Variants in MAD1L1 observed in about 807,000 individuals in gnomAD.
MAD1L1 encodes the protein mitotic spindle assembly checkpoint protein MAD1.
A neutral mutation model predicts 96.9 loss-of-function variants in MAD1L1; 95 were observed. The ratio of observed to expected loss-of-function variants is 0.98; its 90% CI spans 0.83 to 1.16. The LOEUF (loss-of-function observed/expected upper bound fraction) is 1.16, where lower values mean the gene tolerates loss of function less well. MAD1L1 is among the 50% of genes most tolerant of loss of function. The probability of loss-of-function intolerance (pLI) is 0.00; values close to 1 mark genes in which losing one functional copy is unlikely to be tolerated. For missense variants in MAD1L1, 1,007 were observed against 954.4 expected, an observed-to-expected ratio of 1.06 and a Z score of -0.73; for synonymous variants, 473 against 396.6, an observed-to-expected ratio of 1.19 and a Z score of -2.29.
At chr7:1,887,894 C>A (rs1187561348) in intron 18 of MAD1L1, among the ~76,000 whole-genome samples, 2 of 150,886 alleles carry the variant, frequency 1.3e-5, no homozygotes, top group Non-Finnish European at 3.0e-5. Flanking sequence ...TGTGTGGCTG[C>A]CTGTGCATGT....
chr7:1,922,119 G>C (rs952136815), intron 17 of MAD1L1, among the ~76,000 whole-genome samples: 1 of 152,228 alleles, frequency 6.6e-6, no homozygotes, highest in African/African-American at 2.4e-5. Flanking sequence ...TACAGACCTG[G>C]AGAGCCACAG....
intron 12 of MAD1L1, among the ~76,000 whole-genome samples, chr7:2,063,032 T>G (rs1584231429): frequency 6.6e-6 from 1 of 152,126 alleles, no homozygotes; most frequent in South Asian, 2.1e-4. Context: ...ACAATTAAAC[T>G]AGAAAGAAAA....
chr7:1,827,968 C>T (rs1359862401), intron 18 of MAD1L1, among the ~76,000 whole-genome samples: 1 of 152,132 alleles, frequency 6.6e-6, no homozygotes, highest in Non-Finnish European at 1.5e-5. Context: ...ACGCTTAGGG[C>T]AATGTGATGC....
chr7:2,029,280 G>A (rs1009556802), intron 12 of MAD1L1, among the ~76,000 whole-genome samples: 3 of 152,148 alleles, frequency 2.0e-5, no homozygotes, highest in African/African-American at 4.8e-5. Flanking sequence ...CCATAAGATA[G>A]AAATGAAATA....
chr7:2,213,119 G>A lies in MAD1L1; in HGVS notation c.986+93C>T, dbSNP rs1035527860. On this transcript the variant is annotated intron_variant, in intron 10 of 18. Transcript: ENST00000265854. ...GCACCAGCCACAGAGATGCCTGGCTGGAGACTGCGCTGGTGAGCCGGAAGC... is the reference window on the plus strand; with the variant it reads ...GCACCAGCCACAGAGATGCCTGGCTAGAGACTGCGCTGGTGAGCCGGAAGC... 5.9e-6 allele frequency: 8 copies of A among 1,348,668 alleles called. No individual in the cohort carries two copies. In the Admixed American group the frequency reaches 8.8e-5, roughly 15 times the overall value. 83.5% of individuals were successfully genotyped at this position (1,348,668 alleles called of 1,614,324 possible).
chr7:2,166,539 A>G (rs1323684877), intron 10 of MAD1L1, among the ~76,000 whole-genome samples: 1 of 152,046 alleles, frequency 6.6e-6, no homozygotes, highest in East Asian at 1.9e-4. Context: ...CTGTTTCCTC[A>G]CTCTTTGGAA....
chr7:2,082,188 G>A (rs1180261529), intron 11 of MAD1L1, among the ~76,000 whole-genome samples: 3 of 152,072 alleles, frequency 2.0e-5, no homozygotes, highest in Non-Finnish European at 4.4e-5. Flanking sequence ...GAGGGGACGG[G>A]GACCAGGAGG....
chr7:2,078,269 C>T (rs1396857071), intron 11 of MAD1L1, among the ~76,000 whole-genome samples: 2 of 152,212 alleles, frequency 1.3e-5, no homozygotes, highest in Non-Finnish European at 2.9e-5. Context: ...GCAGGATCCC[C>T]CACGTCAACC....
intron 14 of MAD1L1, among the ~76,000 whole-genome samples, chr7:1,984,698 T>C (rs186840662): frequency 8.5e-5 from 13 of 152,264 alleles, no homozygotes; most frequent in Non-Finnish European, 1.9e-4. Flanking sequence ...AGGATGCCTT[T>C]GCTTCCCGTA....
chr7:2,169,623 T>C (rs1287756147), intron 10 of MAD1L1, among the ~76,000 whole-genome samples: 3 of 152,098 alleles, frequency 2.0e-5, no homozygotes, highest in Non-Finnish European at 4.4e-5. Flanking sequence ...GTCAGGTGCA[T>C]GGAGTTTAAA....
At chr7:1,896,075 C>T (rs1786850630) in intron 18 of MAD1L1, among the ~76,000 whole-genome samples, 1 of 152,202 alleles carries the variant, frequency 6.6e-6, no homozygotes, top group African/African-American at 2.4e-5. Context: ...GTCCTTTAGG[C>T]CTGGGGCGAG....
chr7:1,877,862 C>A (rs1785463929), intron 18 of MAD1L1, among the ~76,000 whole-genome samples: 1 of 151,674 alleles, frequency 6.6e-6, no homozygotes, highest in African/African-American at 2.4e-5. Flanking sequence ...GCGTATGTAC[C>A]CCAAAATAGG....
At chr7:1,936,946 A>G in intron 16 of MAD1L1, 49 bp from the exon 17 acceptor site, 1 of 1,453,500 alleles carries the variant, frequency 6.9e-7, no homozygotes, top group Non-Finnish European at 9.3e-7. Context: ...GCACACACGC[A>G]GCACGGGTCA....
chr7:1,977,269 C>T (rs1015420591), intron 15 of MAD1L1, among the ~76,000 whole-genome samples: 2 of 152,246 alleles, frequency 1.3e-5, no homozygotes, highest in African/African-American at 2.4e-5. Context: ...CACGGGGAGG[C>T]GGCTGAGGCC....
intron 17 of MAD1L1, among the ~76,000 whole-genome samples, chr7:1,916,605 C>T (rs1482627352): frequency 1.3e-5 from 2 of 152,226 alleles, no homozygotes; most frequent in Admixed American, 6.5e-5. Context: ...CCTCGGACTA[C>T]GCATACCCTC....
chr7:2,013,235 A>G (rs1782381068), intron 13 of MAD1L1, among the ~76,000 whole-genome samples: 1 of 152,206 alleles, frequency 6.6e-6, no homozygotes, highest in Non-Finnish European at 1.5e-5. Context: ...GTCATCTTCC[A>G]GCTGGTCACT....
intron 10 of MAD1L1, among the ~76,000 whole-genome samples, chr7:2,202,972 G>A (rs905312633): frequency 6.6e-6 from 1 of 152,188 alleles, no homozygotes; most frequent in Admixed American, 6.5e-5. Context: ...TACAGGGGAT[G>A]GGTCAGCAGT....
At chr7:1,837,249 A>G (rs1026816604) in intron 18 of MAD1L1, among the ~76,000 whole-genome samples, 17 of 152,214 alleles carry the variant, frequency 1.1e-4, no homozygotes, top group African/African-American at 4.1e-4. Context: ...TAAAACCGCA[A>G]TGAGACGCCG....
intron 11 of MAD1L1, chr7:2,089,304 G>A (rs1195274813): frequency 6.6e-6 from 1 of 152,270 alleles, no homozygotes; most frequent in Non-Finnish European, 1.5e-5. Flanking sequence ...GGAGGTAACT[G>A]AATCATGGGG....
Sources: gnomAD v4.1 joint callset for allele counts (sites outside exome capture counted in the v4.1 genomes callset) on GRCh38, gnomAD v4.1.1 for gene constraint, MANE v1.5 for transcripts, NCBI Gene and HGNC (gene_info 2026-07-23, HGNC 2026-07-21) for gene names.